The following CATSPERB variants were observed in gnomAD, a reference collection of about 807,000 sequenced individuals.
The protein encoded by CATSPERB is catsper channel auxiliary subunit beta.
CATSPERB carries 93 observed loss-of-function variants against 128.3 expected under a neutral mutation model. The ratio of observed to expected loss-of-function variants is 0.72; its 90% CI spans 0.61 to 0.86. CATSPERB has a LOEUF of 0.86. Ranked by LOEUF, CATSPERB falls within the 40% of genes least tolerant of loss-of-function variation. The pLI, the probability that CATSPERB is intolerant of heterozygous loss-of-function variation, is 0.00. For missense variants in CATSPERB, 1,153 were observed against 1,329.5 expected (o/e 0.87, Z 2.06); for synonymous variants, 381 against 448.8 (o/e 0.85, Z 1.91).
chr14:91,651,623 A>G (rs1894706173), intron 15 of CATSPERB, among the ~76,000 whole-genome samples: 1 of 152,182 alleles, frequency 6.6e-6, no homozygotes, highest in Non-Finnish European at 1.5e-5. Flanking sequence ...GAGTGAACAG[A>G]TGACCACTTA....
chr14:91,650,128 T>A (rs929191963), intron 15 of CATSPERB, among the ~76,000 whole-genome samples: 3 of 152,192 alleles, frequency 2.0e-5, no homozygotes, highest in Non-Finnish European at 4.4e-5. Flanking sequence ...ACCATAGTGG[T>A]CAATTGCCTA....
intron 5 of CATSPERB, among the ~76,000 whole-genome samples, chr14:91,717,920 T>C (rs1031185746): frequency 2.0e-5 from 3 of 152,204 alleles, no homozygotes; most frequent in African/African-American, 7.2e-5. Context: ...CAAAGATATT[T>C]CTTTTTACTC....
intron 22 of CATSPERB, among the ~76,000 whole-genome samples, chr14:91,599,887 G>A (rs1893581095): frequency 6.6e-6 from 1 of 152,174 alleles, no homozygotes; most frequent in South Asian, 2.1e-4. Context: ...GTGAGCAAAG[G>A]AGTGACTTTG....
intron 17 of CATSPERB, among the ~76,000 whole-genome samples, chr14:91,632,816 AACACACAC>A (rs112899550): frequency 6.7e-6 from 1 of 150,046 alleles, no homozygotes; most frequent in African/African-American, 2.4e-5. Flanking sequence ...AGTCACTTAA[AACACACAC>A]ACACACACAC....
chr14:91,669,798 T>A lies in CATSPERB; in HGVS notation c.1287+16A>T. Reference sequence around the variant, plus strand: ...GATTTAACTCTAACACAGACTGAAGTTCCATGTGTACGCACCTGATTGCCA... The same window carrying A: ...GATTTAACTCTAACACAGACTGAAGATCCATGTGTACGCACCTGATTGCCA... On this transcript the variant is annotated intron_variant, in intron 14 of 26. Coordinates refer to ENST00000256343, the MANE Select transcript of CATSPERB (RefSeq NM_024764.4). 1 of 1,599,196 alleles carries A rather than the reference T, an allele frequency of 6.3e-7. No homozygotes were observed. Among genetic ancestry groups the A allele is most frequent in the Non-Finnish European group, 8.5e-7 (1 of 1,173,152 alleles).
intron 14 of CATSPERB, among the ~76,000 whole-genome samples, chr14:91,667,285 C>T (rs1895001776): frequency 6.6e-6 from 1 of 152,036 alleles, no homozygotes; most frequent in African/African-American, 2.4e-5. Context: ...GGCAGTCTTA[C>T]ACTGCGGAAG....
chr14:91,595,316 TTTTAA>T (rs1333631334), intron 22 of CATSPERB, among the ~76,000 whole-genome samples: 1 of 149,484 alleles, frequency 6.7e-6, no homozygotes, highest in Admixed American at 6.7e-5. Context: ...ATTTATTTAT[TTTTAA>T]TTTATTTATT....
chr14:91,705,653 C>G (rs1338599071), intron 6 of CATSPERB, among the ~76,000 whole-genome samples: 1 of 152,118 alleles, frequency 6.6e-6, no homozygotes, highest in African/African-American at 2.4e-5. Context: ...TTCTCACAAC[C>G]CTATTTTTCA....
intron 15 of CATSPERB, among the ~76,000 whole-genome samples, chr14:91,644,354 G>T (rs1191469828): frequency 1.4e-5 from 2 of 144,564 alleles, no homozygotes; most frequent in Non-Finnish European, 3.0e-5. Context: ...GGTACCGGTT[G>T]TTCCTTTCCA....
At chr14:91,658,452 A>G (rs1894822539) in intron 15 of CATSPERB, among the ~76,000 whole-genome samples, 1 of 151,952 alleles carries the variant, frequency 6.6e-6, no homozygotes, top group African/African-American at 2.4e-5. Context: ...ATATCATTAC[A>G]TAGAATGAAT....
At chr14:91,635,631 T>C (rs1001677363) in intron 17 of CATSPERB, 2 of 152,240 alleles carry the variant, frequency 1.3e-5, no homozygotes, top group Admixed American at 6.5e-5. Context: ...GTTCTGGGAT[T>C]ACAGGTGTGA....
At position 91,659,833 on chromosome 14, in the gene CATSPERB, T is replaced by C. The variant is rs757786064; in HGVS notation, c.1432+4A>G. ...GCTTACACCAGTGAAAGCAAATTTC[T>C]TACCTGCCTTTGTCGAGTAAACCTT... On this transcript the variant is annotated splice_donor_region_variant and intron_variant, in intron 15 of 26. Transcript: ENST00000256343. 3.3e-5 allele frequency: 53 copies of C among 1,601,070 alleles called. No homozygotes were observed. The highest frequency in any genetic ancestry group is 4.4e-5 in the Non-Finnish European group (52 of 1,177,160).
intron 7 of CATSPERB, among the ~76,000 whole-genome samples, chr14:91,701,595 G>T (rs140623451): frequency 6.6e-6 from 1 of 152,142 alleles, no homozygotes; most frequent in East Asian, 1.9e-4. Flanking sequence ...TTATGTTCTG[G>T]TAACTGATGG....
At chr14:91,706,459 T>G (rs1002784776) in intron 6 of CATSPERB, among the ~76,000 whole-genome samples, 2 of 152,152 alleles carry the variant, frequency 1.3e-5, no homozygotes, top group Non-Finnish European at 2.9e-5. Flanking sequence ...TTAAGCATTT[T>G]AAGAACAAGG....
chr14:91,723,251 G>C, intron 3 of CATSPERB, 62 bp from the exon 4 acceptor site: 2 of 1,274,040 alleles, frequency 1.6e-6, no homozygotes, highest in Admixed American at 5.8e-5. Context: ...ACACAAGTTA[G>C]TTAATCTAAA....
chr14:91,605,176 C>T (rs1277656571), intron 22 of CATSPERB: 12 of 1,519,420 alleles, frequency 7.9e-6, no homozygotes, highest in African/African-American at 1.4e-5. Flanking sequence ...AGACAGTCTC[C>T]ATGTGAGGCA....
intron 14 of CATSPERB, among the ~76,000 whole-genome samples, chr14:91,669,290 C>T (rs989472392): frequency 3.3e-5 from 5 of 151,076 alleles, no homozygotes; most frequent in Non-Finnish European, 7.4e-5. Context: ...AATCTGTGGC[C>T]CTTACTTTTT....
intron 7 of CATSPERB, among the ~76,000 whole-genome samples, chr14:91,699,195 A>G (rs1203261917): frequency 6.6e-6 from 1 of 152,142 alleles, no homozygotes; most frequent in Non-Finnish European, 1.5e-5. Flanking sequence ...TCATATAATG[A>G]CTTCTTTTCC....
At chr14:91,691,133 G>A (rs1256505929) in intron 10 of CATSPERB, among the ~76,000 whole-genome samples, 1 of 152,074 alleles carries the variant, frequency 6.6e-6, no homozygotes, top group African/African-American at 2.4e-5. Context: ...CTTACACTGG[G>A]GTAGATGGAT....
Sources: allele counts gnomAD v4.1 joint callset (sites outside exome capture counted in the v4.1 genomes callset), GRCh38; gene constraint gnomAD v4.1.1; transcripts MANE v1.5; gene names NCBI Gene and HGNC (gene_info 2026-07-23, HGNC 2026-07-21).